The following LIPA variants were observed in gnomAD, a reference collection of about 807,000 sequenced individuals.
LIPA encodes the protein lysosomal acid lipase/cholesteryl ester hydrolase.
In LIPA, 26 loss-of-function variants were observed where a neutral mutation model predicts 40.6. The ratio of observed to expected loss-of-function variants is 0.64; its 90% CI spans 0.47 to 0.89. The LOEUF (loss-of-function observed/expected upper bound fraction) is 0.89, where lower values mean the gene tolerates loss of function less well. Among genes scored for constraint, LIPA ranks in the 40% least tolerant of loss-of-function variants. The pLI is 0.00. For synonymous variants in LIPA, 188 were observed against 168.4 expected, an observed-to-expected ratio of 1.12 and a Z score of -0.90; for missense variants, 455 against 479.6, an observed-to-expected ratio of 0.95 and a Z score of 0.48.
intron 1 of LIPA, among the ~76,000 whole-genome samples, chr10:89,275,224 C>T (rs1228502800): frequency 6.6e-6 from 1 of 152,144 alleles, no homozygotes; most frequent in Non-Finnish European, 1.5e-5. Context: ...GTTTGTGAAC[C>T]ACAGAATACT....
At chr10:89,302,739 C>T (rs1399430275) in intron 1 of LIPA, among the ~76,000 whole-genome samples, 1 of 152,140 alleles carries the variant, frequency 6.6e-6, no homozygotes, top group African/African-American at 2.4e-5. Flanking sequence ...CTGTTCTCAC[C>T]TCTAACATTC....
At chr10:89,362,926 G>T (rs1017030067) in intron 2 of LIPA, 2 of 269,878 alleles carry the variant, frequency 7.4e-6, no homozygotes, top group South Asian at 9.3e-5. Flanking sequence ...CCCCTAAAAT[G>T]GGCTGTCAGT....
At chr10:89,305,540 A>T (rs1387695922) in intron 1 of LIPA, among the ~76,000 whole-genome samples, 1 of 152,182 alleles carries the variant, frequency 6.6e-6, no homozygotes, top group East Asian at 1.9e-4. Flanking sequence ...AAAAATTATA[A>T]AGCTGAAATT....
chr10:89,414,451 C>T (rs1247235147), exon 1 of LIPA: 10 of 287,756 alleles, frequency 3.5e-5, no homozygotes, highest in Middle Eastern at 9.5e-4. Context: ...AGGAGCCCAG[C>T]TGCAAATTCA....
rs1844328685 is a variant in LIPA, at chr10:89,395,443, T to G, written c.61+17348A>C. 2.0e-5 allele frequency among the ~76,000 whole-genome samples: 3 copies of G among 152,258 alleles called. No individual in the cohort carries two copies. In the South Asian group the frequency reaches 6.2e-4, roughly 31 times the overall value. ...CATATTACCCTCTTCTCTCTGGATC[T>G]GTAAGTAATAAGCTGCTTCTGTTAT... On this transcript the variant is annotated intron_variant, in intron 2 of 8. Coordinates refer to the LIPA transcript ENST00000371837.
At chr10:89,387,553 A>T (rs1177998676) in intron 2 of LIPA, among the ~76,000 whole-genome samples, 1 of 152,162 alleles carries the variant, frequency 6.6e-6, no homozygotes, top group Non-Finnish European at 1.5e-5. Context: ...GGATAAATGA[A>T]ATTTTGTAAT....
intron 1 of LIPA, chr10:89,339,101 G>A: frequency 6.2e-7 from 1 of 1,614,074 alleles, no homozygotes; most frequent in Non-Finnish European, 8.5e-7. Flanking sequence ...CAACTGAAGT[G>A]TGGAAGAAAT....
chr10:89,222,443 G>A (rs1485513422), intron 8 of LIPA, 68 bp downstream of exon 8: 6 of 960,310 alleles, frequency 6.2e-6, no homozygotes, highest in Non-Finnish European at 1.0e-5. Context: ...TTTGGAAAGG[G>A]TTTGCATGCC....
chr10:89,214,013 A>G lies in LIPA; in HGVS notation c.*815T>C, dbSNP rs926112502. Reference sequence around the variant, plus strand: ...GGCTCCAAGAGTACATTAATCTCAGAAAAAATAGTGGTATAGTCTCCACAG... The same window carrying G: ...GGCTCCAAGAGTACATTAATCTCAGGAAAAATAGTGGTATAGTCTCCACAG... On this transcript the variant is annotated 3_prime_UTR_variant, in exon 10 of 10. Transcript: ENST00000336233. The G allele has an allele frequency of 6.6e-6, 1 of 152,210 alleles. No individual in the cohort carries two copies. The highest frequency in any genetic ancestry group is 2.4e-5 in the African/African-American group (1 of 41,444). 9.4% of individuals were successfully genotyped at this position (152,210 alleles called of 1,614,324 possible). A position where few individuals can be genotyped will look rare whatever the true frequency, so the allele number is the denominator to read the frequency against.
intron 2 of LIPA, among the ~76,000 whole-genome samples, chr10:89,387,868 T>A (rs1006363491): frequency 1.3e-5 from 2 of 152,164 alleles, no homozygotes; most frequent in African/African-American, 4.8e-5. Context: ...GTGTTCATTG[T>A]AAAATACTCT....
upstream of LIPA, among the ~76,000 whole-genome samples, chr10:89,343,236 T>C (rs1843887552): frequency 6.6e-6 from 1 of 152,234 alleles, no homozygotes; most frequent in Admixed American, 6.5e-5. Context: ...GTTTTTGTGC[T>C]TAGGTTCCAT....
At chr10:89,381,843 T>C (rs1413915477) in intron 2 of LIPA, among the ~76,000 whole-genome samples, 2 of 152,154 alleles carry the variant, frequency 1.3e-5, no homozygotes, top group African/African-American at 2.4e-5. Flanking sequence ...TGGAGTGCAG[T>C]GGCATGATCT....
At chr10:89,370,188 G>A (rs1012746988) in intron 2 of LIPA, among the ~76,000 whole-genome samples, 4 of 152,106 alleles carry the variant, frequency 2.6e-5, no homozygotes, top group East Asian at 1.9e-4. Context: ...TATAGCTAGC[G>A]GTGGCACAGA....
At chr10:89,220,564 G>C (rs922620891) in intron 8 of LIPA, among the ~76,000 whole-genome samples, 1 of 152,192 alleles carries the variant, frequency 6.6e-6, no homozygotes, top group Non-Finnish European at 1.5e-5. Context: ...TAAGTGGTAA[G>C]CATGTGCTGT....
intron 1 of LIPA, among the ~76,000 whole-genome samples, chr10:89,264,468 C>T (rs1325025172): frequency 6.6e-6 from 1 of 151,958 alleles, no homozygotes; most frequent in Non-Finnish European, 1.5e-5. Context: ...CAGTGGAGAG[C>T]AGACCTGGAG....
At chr10:89,414,000 G>A (rs1841504070) in intron 1 of LIPA, among the ~76,000 whole-genome samples, 1 of 152,168 alleles carries the variant, frequency 6.6e-6, no homozygotes, top group South Asian at 2.1e-4. Context: ...TTTCTGCCTA[G>A]ATCCCCAATA....
intron 1 of LIPA, among the ~76,000 whole-genome samples, chr10:89,300,082 A>G (rs2133516094): frequency 6.6e-6 from 1 of 152,372 alleles, no homozygotes; most frequent in Non-Finnish European, 1.5e-5. Context: ...GATATTATTC[A>G]GCCATTAAAG....
chr10:89,403,715 AC>A (rs1844482242), intron 2 of LIPA: 1 of 1,500,260 alleles, frequency 6.7e-7, no homozygotes, highest in Non-Finnish European at 9.0e-7. Context: ...GTCCTTAGGC[AC>A]CCAGATATCA....
intron 1 of LIPA, among the ~76,000 whole-genome samples, chr10:89,285,710 C>T (rs1424695598): frequency 6.6e-6 from 1 of 151,824 alleles, no homozygotes; most frequent in Non-Finnish European, 1.5e-5. Flanking sequence ...GGCAAGGACC[C>T]CCTACCCCTT....
Sources: allele counts gnomAD v4.1 joint callset (sites outside exome capture counted in the v4.1 genomes callset), GRCh38; gene constraint gnomAD v4.1.1; transcripts MANE v1.5; gene names NCBI Gene and HGNC (gene_info 2026-07-23, HGNC 2026-07-21).